ST8SIA5: variants seen among roughly 807,000 people sequenced by gnomAD.
ST8SIA5 encodes ST8 alpha-N-acetyl-neuraminide alpha-2,8-sialyltransferase 5, also known as alpha-2,8-sialyltransferase 8E.
Under a neutral mutation model 40.2 loss-of-function variants are expected in ST8SIA5, and 24 were observed. That is an observed-to-expected ratio of 0.60 (90% CI 0.43 to 0.84). The LOEUF is 0.84. Among genes scored for constraint, ST8SIA5 ranks in the 40% least tolerant of loss-of-function variants. The pLI, the probability that ST8SIA5 is intolerant of heterozygous loss-of-function variation, is 0.00. For missense variants in ST8SIA5, 465 were observed against 498.5 expected, an observed-to-expected ratio of 0.93 and a Z score of 0.64; for synonymous variants, 198 against 201.8, an observed-to-expected ratio of 0.98 and a Z score of 0.16.
chr18:46,720,048 G>A (rs181386765), intron 1 of ST8SIA5, among the ~76,000 whole-genome samples: 47 of 151,734 alleles, frequency 3.1e-4, no homozygotes, highest in African/African-American at 8.5e-4. Flanking sequence ...CATGTTGGCC[G>A]GGCTGGTCTC....
chr18:46,706,377 G>A (rs2039670280), intron 1 of ST8SIA5, among the ~76,000 whole-genome samples: 1 of 152,134 alleles, frequency 6.6e-6, no homozygotes, highest in East Asian at 1.9e-4. Context: ...TCAGTACCCG[G>A]CTCGAGTAAC....
intron 2 of ST8SIA5, among the ~76,000 whole-genome samples, chr18:46,704,056 G>A (rs1000210214): frequency 8.5e-5 from 13 of 152,102 alleles, no homozygotes; most frequent in African/African-American, 3.1e-4. Flanking sequence ...GATACCCAAA[G>A]CCACATCGTC....
chr18:46,712,132 G>T (rs1486127976), intron 1 of ST8SIA5, among the ~76,000 whole-genome samples: 3 of 152,162 alleles, frequency 2.0e-5, no homozygotes, highest in Admixed American at 2.0e-4. Context: ...CATATTCCCT[G>T]TGAGAGTATG....
rs570016110 is a variant in ST8SIA5, at chr18:46,751,859, G to C, written c.131+4519C>G. On this transcript the variant is annotated intron_variant, in intron 1 of 6. Transcript: ENST00000315087. ...CTGTGCTTCCCAATCATAAAAGTTT[G>C]AAAAACACTGATGTCAGTGGTTGGT... Among the ~76,000 whole-genome samples, 4 of 152,212 alleles carry C rather than the reference G, an allele frequency of 2.6e-5. No homozygotes were observed. In the East Asian group the frequency reaches 7.7e-4, roughly 29 times the overall value.
chr18:46,748,119 T>C (rs1398529097), intron 1 of ST8SIA5, among the ~76,000 whole-genome samples: 2 of 152,084 alleles, frequency 1.3e-5, no homozygotes, highest in African/African-American at 2.4e-5. Flanking sequence ...ATATCTAATG[T>C]AAATAATGAA....
At chr18:46,749,826 G>A (rs914213658) in intron 1 of ST8SIA5, among the ~76,000 whole-genome samples, 3 of 152,160 alleles carry the variant, frequency 2.0e-5, no homozygotes, top group East Asian at 1.9e-4. Flanking sequence ...GTATTTAGAG[G>A]TGGAGGCTTG....
chr18:46,668,577 T>C lies in ST8SIA5; in HGVS notation c.*11465A>G, dbSNP rs867657770. On this transcript the variant is annotated 3_prime_UTR_variant, in exon 7 of 7. Transcript: ENST00000315087. ...CATTGAACAATCCATTGTATGCTTA[T>C]TGAGATACAGTGTTAATTTTTAAGA... The C allele has an allele frequency of 4.6e-5, 7 of 152,408 alleles. No individual in the cohort carries two copies. The highest frequency in any genetic ancestry group is 1.7e-4 in the African/African-American group (7 of 41,470). 9.4% of individuals were successfully genotyped at this position (152,408 alleles called of 1,614,324 possible). A position where few individuals can be genotyped will look rare whatever the true frequency, so the allele number is the denominator to read the frequency against.
At chr18:46,728,699 C>T (rs2039956392) in intron 1 of ST8SIA5, among the ~76,000 whole-genome samples, 1 of 152,312 alleles carries the variant, frequency 6.6e-6, no homozygotes, top group South Asian at 2.1e-4. Flanking sequence ...CTCCAAGAGC[C>T]TCCTGCTTCA....
At chr18:46,695,328 T>C (rs1234263685) in intron 2 of ST8SIA5, among the ~76,000 whole-genome samples, 4 of 152,096 alleles carry the variant, frequency 2.6e-5, no homozygotes, top group Admixed American at 2.0e-4. Flanking sequence ...TCATGGAAGA[T>C]AGTAACTAAA....
At chr18:46,720,586 T>C (rs1429016849) in intron 1 of ST8SIA5, among the ~76,000 whole-genome samples, 1 of 152,166 alleles carries the variant, frequency 6.6e-6, no homozygotes, top group Non-Finnish European at 1.5e-5. Context: ...GCAACAAAAA[T>C]GCAAGCCTCT....
In ST8SIA5 at chr18:46,735,869, T is replaced by C. The variant is rs145060516; in HGVS notation, c.131+20509A>G. Among the ~76,000 whole-genome samples, 8 of 152,148 alleles carry C rather than the reference T, an allele frequency of 5.3e-5. No homozygotes were observed. In the East Asian group the frequency reaches 1.5e-3, roughly 29 times the overall value. ...GTCAAGTGATCCTCCCACTTTGGCCTCCCAAAGTGCTAGGATTACAGACAT... is the reference window on the plus strand; with the variant it reads ...GTCAAGTGATCCTCCCACTTTGGCCCCCCAAAGTGCTAGGATTACAGACAT... On this transcript the variant is annotated intron_variant, in intron 1 of 6. Transcript: ENST00000315087.
rs190497535 is a variant in ST8SIA5 at position 46,714,109 on chromosome 18, G to T, written c.132-9445C>A. On this transcript the variant is annotated intron_variant, in intron 1 of 6. Transcript: ENST00000315087. Reference sequence around the variant, plus strand: ...AGCCAGAGGAAGCACTTCGAACCAGGAGGCTCGCATGGGGAAGGATGGCCT... The same window carrying T: ...AGCCAGAGGAAGCACTTCGAACCAGTAGGCTCGCATGGGGAAGGATGGCCT... Among the ~76,000 whole-genome samples the T allele has an allele frequency of 2.6e-5, 4 of 152,298 alleles. No homozygotes were observed. The East Asian group carries it at 7.7e-4, about 29-fold the overall frequency.
rs573955598 is a variant in ST8SIA5 at position 46,736,938 on chromosome 18, C to T, written c.131+19440G>A. ...CCAGGGGCTCTGCAGGACCTGTGGG[C>T]CCCCTGGAAGGAGCCAGCAAAGCCC... is the stretch of plus-strand genomic sequence containing the variant. On this transcript the variant is annotated intron_variant, in intron 1 of 6. Transcript: ENST00000315087. Among the ~76,000 whole-genome samples the T allele has an allele frequency of 2.0e-5, 3 of 152,208 alleles. No individual in the cohort carries two copies. The South Asian group carries it at 6.2e-4, about 32-fold the overall frequency.
At chr18:46,684,213 T>C (rs1208510955) in intron 5 of ST8SIA5, among the ~76,000 whole-genome samples, 1 of 152,170 alleles carries the variant, frequency 6.6e-6, no homozygotes, top group Non-Finnish European at 1.5e-5. Flanking sequence ...GGGAGACATT[T>C]ACTATCATAT....
At chr18:46,688,606 T>C (rs1276692287) in intron 4 of ST8SIA5, among the ~76,000 whole-genome samples, 169 bp downstream of exon 4, 1 of 152,050 alleles carries the variant, frequency 6.6e-6, no homozygotes, top group Non-Finnish European at 1.5e-5. Context: ...CCCAAAGAAA[T>C]CCAGAGGGTG....
intron 1 of ST8SIA5, among the ~76,000 whole-genome samples, chr18:46,728,276 G>T (rs12970759): frequency 0.52 from 79,569 of 151,998 alleles, 21,604 homozygotes; most frequent in Non-Finnish European, 0.61. Flanking sequence ...CATTTTGATT[G>T]AAGTGCCAAA....
intron 1 of ST8SIA5, 53 bp from the exon 2 acceptor site, chr18:46,704,717 G>T: frequency 7.1e-7 from 1 of 1,413,724 alleles, no homozygotes; most frequent in Non-Finnish European, 1.0e-6. Flanking sequence ...GATGTCCAGG[G>T]CCTGCAGGGG....
At chr18:46,717,142 C>G (rs1599128708) in intron 1 of ST8SIA5, among the ~76,000 whole-genome samples, 1 of 152,338 alleles carries the variant, frequency 6.6e-6, no homozygotes, top group Non-Finnish European at 1.5e-5. Flanking sequence ...CGCTGCCTCC[C>G]CCTGCTCTCT....
intron 1 of ST8SIA5, 53 bp from the exon 2 acceptor site, chr18:46,704,717 G>GCCTGCAGGCC: frequency 7.1e-7 from 1 of 1,413,724 alleles, no homozygotes; most frequent in South Asian, 1.1e-5. Context: ...GATGTCCAGG[G>GCCTGCAGGCC]CCTGCAGGGG....
Sources: allele counts gnomAD v4.1 joint callset (sites outside exome capture counted in the v4.1 genomes callset), GRCh38; gene constraint gnomAD v4.1.1; transcripts MANE v1.5; gene names NCBI Gene and HGNC (gene_info 2026-07-23, HGNC 2026-07-21).